NHSL3: variants seen among roughly 807,000 people sequenced by gnomAD.
The protein encoded by NHSL3 is NHS-like protein 3.
the NHSL3 span, chr1:32,770,163 G>A: frequency 6.3e-7 from 1 of 1,596,692 alleles, no homozygotes; most frequent in Non-Finnish European, 8.6e-7. The surrounding 1 kb of genome is among the most constrained non-coding windows in gnomAD (Gnocchi z 8.3). Context: ...TGCCTGGATT[G>A]ACAGGAGGGG....
At chr1:32,765,541 C>T in the NHSL3 span, 3 of 1,291,492 alleles carry the variant, frequency 2.3e-6, no homozygotes, top group Non-Finnish European at 3.1e-6. Context: ...TTCTGTGCCC[C>T]TGCACCCCAT....
At chr1:32,770,483 A>T in the NHSL3 span, 1 of 1,578,834 alleles carries the variant, frequency 6.3e-7, no homozygotes, top group East Asian at 2.3e-5. This position sits in a 1 kb window ranked among gnomAD's most constrained non-coding sequence, Gnocchi z 8.3. Context: ...CTCTCCTCTA[A>T]GGGTGGCTCT....
the NHSL3 span, chr1:32,772,962 G>T: frequency 7.0e-7 from 1 of 1,437,220 alleles, no homozygotes; most frequent in Admixed American, 1.7e-5. Context: ...CTCCAAGGAC[G>T]AGAGGATACA....
At chr1:32,757,349 C>A in the NHSL3 span, among the ~76,000 whole-genome samples, 2 of 146,072 alleles carry the variant, frequency 1.4e-5, no homozygotes, top group Non-Finnish European at 3.0e-5. Context: ...CAGGTGCAGG[C>A]AGGACAGGTT....
chr1:32,765,798 C>G, the NHSL3 span: 2 of 1,547,822 alleles, frequency 1.3e-6, no homozygotes, highest in Non-Finnish European at 1.7e-6. Flanking sequence ...CGCCGCCTCC[C>G]GGCGCTCCTA....
At chr1:32,771,087 C>A in the NHSL3 span, 8 of 1,613,846 alleles carry the variant, frequency 5.0e-6, no homozygotes, top group Non-Finnish European at 5.9e-6. Context: ...TATGTTCCTC[C>A]TCCTCTGACC....
the NHSL3 span, chr1:32,765,855 G>A: frequency 1.3e-6 from 2 of 1,534,870 alleles, no homozygotes; most frequent in African/African-American, 2.7e-5. Context: ...GGGGGGAGGG[G>A]AGGGATGCTC....
chr1:32,761,690 T>C, the NHSL3 span, among the ~76,000 whole-genome samples: 5 of 152,176 alleles, frequency 3.3e-5, no homozygotes, highest in Non-Finnish European at 5.9e-5. Context: ...GTAAGAGCCA[T>C]GAGGACAGAG....
chr1:32,771,541 C>T, the NHSL3 span: 1 of 1,604,562 alleles, frequency 6.2e-7, no homozygotes, highest in African/African-American at 1.3e-5. Flanking sequence ...GGCTGACTTC[C>T]CCCCACCAGA....
At chr1:32,752,703 A>T in the NHSL3 span, among the ~76,000 whole-genome samples, 1 of 150,688 alleles carries the variant, frequency 6.6e-6, no homozygotes, top group Non-Finnish European at 1.5e-5. Context: ...TCAGCCTCCC[A>T]AGTAGCTGGG....
At chr1:32,760,212 C>A in the NHSL3 span, among the ~76,000 whole-genome samples, 1 of 152,142 alleles carries the variant, frequency 6.6e-6, no homozygotes, top group Non-Finnish European at 1.5e-5. Context: ...TCAGAGGGTT[C>A]GGCCTCCTGA....
chr1:32,771,864 A>G, the NHSL3 span: 3 of 1,597,754 alleles, frequency 1.9e-6, no homozygotes, highest in Non-Finnish European at 2.6e-6. Context: ...TGGGTGCTCC[A>G]GGAGGGGCTC....
chr1:32,759,045 G>C, the NHSL3 span, among the ~76,000 whole-genome samples: 1 of 152,224 alleles, frequency 6.6e-6, no homozygotes, highest in Non-Finnish European at 1.5e-5. Flanking sequence ...AGAGGAGGCT[G>C]CTGGTGGCAT....
chr1:32,769,616 C>T, the NHSL3 span: 5 of 1,307,000 alleles, frequency 3.8e-6, no homozygotes, highest in Non-Finnish European at 5.4e-6. Context: ...TAGTGCCCTG[C>T]AGAATGTGCC....
chr1:32,768,988 C>T, the NHSL3 span: 27 of 520,712 alleles, frequency 5.2e-5, no homozygotes, highest in East Asian at 7.7e-4. Flanking sequence ...CGGTGGCTCA[C>T]GCCTGTAATC....
the NHSL3 span, chr1:32,771,134 C>G: frequency 1.9e-6 from 3 of 1,612,286 alleles, no homozygotes; most frequent in East Asian, 2.2e-5. Flanking sequence ...CAGATATTGA[C>G]CCCCCTGGGT....
At chr1:32,745,884 C>T in the NHSL3 span, among the ~76,000 whole-genome samples, 1 of 152,016 alleles carries the variant, frequency 6.6e-6, no homozygotes, top group Non-Finnish European at 1.5e-5. Flanking sequence ...GGGGGATTCA[C>T]AGAGGATAGA....
At chr1:32,766,973 T>C in the NHSL3 span, among the ~76,000 whole-genome samples, 1 of 152,130 alleles carries the variant, frequency 6.6e-6, no homozygotes. Context: ...TGGAGCTCCC[T>C]TGGGCGGGTG....
the NHSL3 span, among the ~76,000 whole-genome samples, chr1:32,748,929 C>G: frequency 3.9e-5 from 6 of 152,126 alleles, no homozygotes; most frequent in Non-Finnish European, 1.5e-5. Flanking sequence ...TTCCTAGGGT[C>G]CAGACGGGAG....
Sources: gnomAD v4.1 joint callset for allele counts (sites outside exome capture counted in the v4.1 genomes callset) on GRCh38, gnomAD v4.1.1 for gene constraint, Gnocchi (gnomAD v3.1) non-coding constraint, MANE v1.5 for transcripts, NCBI Gene and HGNC (gene_info 2026-07-23, HGNC 2026-07-21) for gene names.